CADPS2: variants seen among roughly 807,000 people sequenced by gnomAD.
The protein encoded by CADPS2 is calcium-dependent secretion activator 2.
Under a neutral mutation model 172.5 loss-of-function variants are expected in CADPS2, and 93 were observed. The ratio of observed to expected loss-of-function variants is 0.54; its 90% CI spans 0.46 to 0.64. The LOEUF (loss-of-function observed/expected upper bound fraction) is 0.64. Ranked by LOEUF, CADPS2 falls within the 30% of genes least tolerant of loss-of-function variation. The probability of loss-of-function intolerance (pLI) is 0.00; values close to 1 mark genes in which losing one functional copy is unlikely to be tolerated. For synonymous variants in CADPS2, 546 were observed against 555.2 expected (o/e 0.98, Z 0.23); for missense variants, 1,420 against 1,565.9 (o/e 0.91, Z 1.57).
intron 7 of CADPS2, among the ~76,000 whole-genome samples, chr7:122,567,373 T>C (rs948403481): frequency 6.6e-6 from 1 of 152,200 alleles, no homozygotes; most frequent in African/African-American, 2.4e-5. Context: ...CTGACTATTC[T>C]GGCTAGGTTG....
chr7:122,410,299 G>A (rs1255539048), intron 19 of CADPS2, among the ~76,000 whole-genome samples: 2 of 151,928 alleles, frequency 1.3e-5, no homozygotes, highest in East Asian at 3.9e-4. Context: ...AGCCAAGATC[G>A]CGCCACTGCA....
intron 9 of CADPS2, among the ~76,000 whole-genome samples, chr7:122,512,890 A>ATTTTTT (rs1405204233): frequency 3.3e-5 from 5 of 152,096 alleles, no homozygotes; most frequent in African/African-American, 1.2e-4. Context: ...TCTTTTTCAC[A>ATTTTTT]CTTTTTCTCC....
intron 2 of CADPS2, among the ~76,000 whole-genome samples, chr7:122,730,931 A>G (rs1290240074): frequency 1.3e-5 from 2 of 151,748 alleles, no homozygotes; most frequent in African/African-American, 2.4e-5. Flanking sequence ...CCAGAATTAG[A>G]ACATTTTTGA....
At chr7:122,641,762 T>C (rs949880772) in intron 3 of CADPS2, among the ~76,000 whole-genome samples, 2 of 152,068 alleles carry the variant, frequency 1.3e-5, no homozygotes, top group African/African-American at 4.8e-5. Context: ...TTTTATTAAT[T>C]CCATATACAT....
intron 11 of CADPS2, among the ~76,000 whole-genome samples, chr7:122,482,207 TA>T (rs915393350): frequency 1.3e-5 from 2 of 151,354 alleles, no homozygotes; most frequent in Admixed American, 6.6e-5. Flanking sequence ...GGATGGCGAT[TA>T]AAAAAAAATA....
At chr7:122,730,837 ACTT>A (rs1043501462) in intron 2 of CADPS2, among the ~76,000 whole-genome samples, 2 of 151,678 alleles carry the variant, frequency 1.3e-5, no homozygotes, top group African/African-American at 2.4e-5. Context: ...AACATATACT[ACTT>A]CTATTAAAAA....
At chr7:122,369,126 TTC>T (rs1417952299) in intron 25 of CADPS2, among the ~76,000 whole-genome samples, 3,295 of 58,862 alleles carry the variant, frequency 0.056, 220 homozygotes, top group African/African-American at 0.17. Flanking sequence ...GAATTTTTGT[TTC>T]CCCCCCCCCC....
chr7:122,548,553 G>A (rs1232255290), intron 8 of CADPS2, among the ~76,000 whole-genome samples: 1 of 152,096 alleles, frequency 6.6e-6, no homozygotes, highest in African/African-American at 2.4e-5. Flanking sequence ...TTGATAGACT[G>A]GTAGAGCTAT....
intron 7 of CADPS2, among the ~76,000 whole-genome samples, chr7:122,563,669 T>C (rs1415774547): frequency 6.6e-6 from 1 of 152,160 alleles, no homozygotes; most frequent in African/African-American, 2.4e-5. Context: ...CAATTCAATG[T>C]CAGTCAATCC....
chr7:122,854,229 T>C (rs1308016143), intron 1 of CADPS2, among the ~76,000 whole-genome samples: 2 of 151,918 alleles, frequency 1.3e-5, no homozygotes, highest in East Asian at 1.9e-4. Context: ...GAGTGGTGGG[T>C]GACTCGTGCC....
intron 2 of CADPS2, among the ~76,000 whole-genome samples, chr7:122,733,872 T>C (rs1199487305): frequency 1.3e-5 from 2 of 152,072 alleles, no homozygotes; most frequent in African/African-American, 4.8e-5. Context: ...GTCAAGGATT[T>C]CTAGGCCACA....
At chr7:122,348,553 G>A (rs2151007638) in intron 27 of CADPS2, among the ~76,000 whole-genome samples, 1 of 151,942 alleles carries the variant, frequency 6.6e-6, no homozygotes, top group African/African-American at 2.4e-5. Flanking sequence ...TTCCCTTTTG[G>A]CAAATTAAGA....
intron 29 of CADPS2, among the ~76,000 whole-genome samples, chr7:122,321,798 G>A (rs905518962): frequency 6.6e-6 from 1 of 152,192 alleles, no homozygotes; most frequent in Non-Finnish European, 1.5e-5. Flanking sequence ...TTTTTAAAGT[G>A]TAATCTTCTT....
At chr7:122,880,079 T>C (rs1235014482) in intron 1 of CADPS2, among the ~76,000 whole-genome samples, 1 of 152,214 alleles carries the variant, frequency 6.6e-6, no homozygotes, top group East Asian at 1.9e-4. Flanking sequence ...GCATTACTAC[T>C]ACATACACTG....
chr7:122,709,946 T>C (rs1449561572), intron 2 of CADPS2, among the ~76,000 whole-genome samples: 1 of 151,450 alleles, frequency 6.6e-6, no homozygotes, highest in East Asian at 2.0e-4. Context: ...TTAGGAGATA[T>C]ACCTAATGCT....
chr7:122,629,416 C>T (rs1369176764), intron 3 of CADPS2, 88 bp from the exon 4 acceptor site: 2 of 834,496 alleles, frequency 2.4e-6, no homozygotes, highest in African/African-American at 3.5e-5. Context: ...CAGACTAAGG[C>T]AAAGATTAAA....
intron 3 of CADPS2, among the ~76,000 whole-genome samples, chr7:122,638,128 T>C (rs2077251704): frequency 1.3e-5 from 2 of 152,120 alleles, no homozygotes; most frequent in Non-Finnish European, 2.9e-5. Context: ...CCCCTTCTGA[T>C]CACTGGCACC....
intron 1 of CADPS2, among the ~76,000 whole-genome samples, chr7:122,741,498 A>G (rs929202141): frequency 3.9e-5 from 6 of 152,198 alleles, no homozygotes; most frequent in Admixed American, 1.3e-4. Flanking sequence ...CTTAAATCCT[A>G]TCCTACACGG....
At chr7:122,806,881 CTATGGGA>C (rs1798899575) in intron 1 of CADPS2, among the ~76,000 whole-genome samples, 1 of 152,160 alleles carries the variant, frequency 6.6e-6, no homozygotes, top group Admixed American at 6.5e-5. Flanking sequence ...CTGTGTTAAT[CTATGGGA>C]CAGGGGAGAA....
Sources: allele counts gnomAD v4.1 joint callset (sites outside exome capture counted in the v4.1 genomes callset), GRCh38; gene constraint gnomAD v4.1.1; transcripts MANE v1.5; gene names NCBI Gene and HGNC (gene_info 2026-07-23, HGNC 2026-07-21).